CACNA2D1: variants seen among roughly 807,000 people sequenced by gnomAD.
CACNA2D1 encodes the protein voltage-dependent calcium channel subunit alpha-2/delta-1.
In CACNA2D1, 53 loss-of-function variants were observed where a neutral mutation model predicts 171.5. The ratio of observed to expected loss-of-function variants is 0.31; its 90% CI spans 0.25 to 0.39. The LOEUF (loss-of-function observed/expected upper bound fraction) is 0.39, where lower values mean the gene tolerates loss of function less well. Among genes scored for constraint, CACNA2D1 ranks in the 10% least tolerant of loss-of-function variants. The probability of loss-of-function intolerance (pLI) is 1.00; values close to 1 mark genes in which losing one functional copy is unlikely to be tolerated. For missense variants in CACNA2D1, 903 were observed against 1,299.8 expected, an observed-to-expected ratio of 0.69 and a Z score of 4.69; for synonymous variants, 442 against 443.1, an observed-to-expected ratio of 1.00 and a Z score of 0.03.
intron 32 of CACNA2D1, 86 bp from the exon 33 acceptor site, chr7:81,964,445 AATAAT>A: frequency 9.4e-7 from 1 of 1,058,508 alleles, no homozygotes; most frequent in Non-Finnish European, 1.4e-6. Flanking sequence ...AGTGAAAAGA[AATAAT>A]ACAAAGAAAC....
At chr7:82,215,689 C>T (rs1801026525) in intron 3 of CACNA2D1, among the ~76,000 whole-genome samples, 1 of 151,888 alleles carries the variant, frequency 6.6e-6, no homozygotes, top group African/African-American at 2.4e-5. Flanking sequence ...TTAATTAATA[C>T]TTCTTTAAAA....
intron 4 of CACNA2D1, among the ~76,000 whole-genome samples, chr7:82,144,261 A>G (rs1218606404): frequency 6.6e-6 from 1 of 152,066 alleles, no homozygotes; most frequent in Non-Finnish European, 1.5e-5. Context: ...CATACTTCCT[A>G]CAATGTTTTC....
intron 19 of CACNA2D1, 94 bp downstream of exon 19, chr7:81,997,085 C>T: frequency 1.3e-6 from 1 of 799,130 alleles, no homozygotes; most frequent in Non-Finnish European, 2.3e-6. Flanking sequence ...AACAGACAAG[C>T]TAACACATTG....
At chr7:82,243,040 T>C (rs1804510657) in intron 3 of CACNA2D1, among the ~76,000 whole-genome samples, 1 of 152,148 alleles carries the variant, frequency 6.6e-6, no homozygotes, top group Admixed American at 6.5e-5. Flanking sequence ...ACAGTTTATG[T>C]TATCAAAACA....
At chr7:82,425,199 G>A (rs951186294) in intron 1 of CACNA2D1, among the ~76,000 whole-genome samples, 36 of 152,112 alleles carry the variant, frequency 2.4e-4, no homozygotes, top group African/African-American at 6.3e-4. Flanking sequence ...AAGGGGTATT[G>A]AGCCCCCTTT....
At chr7:82,013,006 T>G (rs1388478236) in intron 14 of CACNA2D1, among the ~76,000 whole-genome samples, 2 of 152,074 alleles carry the variant, frequency 1.3e-5, no homozygotes, top group East Asian at 3.9e-4. Flanking sequence ...GTAACTTTAT[T>G]TTAGATTGAT....
intron 1 of CACNA2D1, among the ~76,000 whole-genome samples, chr7:82,352,390 C>T (rs750304147): frequency 6.6e-6 from 1 of 152,122 alleles, no homozygotes; most frequent in Non-Finnish European, 1.5e-5. Context: ...CTGTCAAGCA[C>T]AAATATGTAA....
At chr7:82,424,119 G>T (rs1828966226) in intron 1 of CACNA2D1, among the ~76,000 whole-genome samples, 1 of 152,062 alleles carries the variant, frequency 6.6e-6, no homozygotes, top group African/African-American at 2.4e-5. Flanking sequence ...CACTAAATTA[G>T]ACACTTACTC....
chr7:81,953,528 AGGGTACC>A (rs1792846925), intron 38 of CACNA2D1, among the ~76,000 whole-genome samples: 1 of 151,412 alleles, frequency 6.6e-6, no homozygotes, highest in Non-Finnish European at 1.5e-5. Flanking sequence ...GATAAAAAAC[AGGGTACC>A]AGTAACAATT....
At chr7:82,053,206 G>C (rs1584552642) in intron 10 of CACNA2D1, among the ~76,000 whole-genome samples, 1 of 146,412 alleles carries the variant, frequency 6.8e-6, no homozygotes, top group African/African-American at 2.5e-5. Context: ...GAGCCGAGAT[G>C]GCGCCACTGC....
intron 7 of CACNA2D1, among the ~76,000 whole-genome samples, chr7:82,074,667 T>G (rs1047989836): frequency 7.9e-5 from 12 of 152,224 alleles, no homozygotes; most frequent in African/African-American, 2.9e-4. Flanking sequence ...CCTCAGGATA[T>G]CTCAGTTTCT....
Position 81,949,173 on chromosome 7 carries a change from T to C in CACNA2D1, c.*1219A>G, listed in dbSNP as rs751111746. On this transcript the variant is annotated 3_prime_UTR_variant, in exon 39 of 39. Transcript: ENST00000356860. ...CTAGGATGAATCTTCATTGAGAACATATATGTACTTTTCAAAAAATAAATG... is the reference window on the plus strand; with the variant it reads ...CTAGGATGAATCTTCATTGAGAACACATATGTACTTTTCAAAAAATAAATG... 2.0e-5 allele frequency: 3 copies of C among 152,168 alleles called. No individual in the cohort carries two copies. The highest frequency in any genetic ancestry group is 3.9e-4 in the East Asian group (2 of 5,172). The allele number at this position is 152,168 out of a possible 1,614,324, so 9.4% of individuals were successfully genotyped here.
At chr7:82,036,555 CTG>C (rs1477541268) in intron 11 of CACNA2D1, among the ~76,000 whole-genome samples, 2 of 152,186 alleles carry the variant, frequency 1.3e-5, no homozygotes, top group African/African-American at 2.4e-5. Flanking sequence ...GGCCCATCCT[CTG>C]TGCTGTCCCA....
At chr7:82,346,413 T>C (rs1006018748) in intron 2 of CACNA2D1, among the ~76,000 whole-genome samples, 2 of 152,172 alleles carry the variant, frequency 1.3e-5, no homozygotes, top group African/African-American at 4.8e-5. Flanking sequence ...ATTAAATAAC[T>C]TGGCCAGATC....
At chr7:82,062,598 C>CTT (rs34862731) in intron 9 of CACNA2D1, among the ~76,000 whole-genome samples, 1 of 141,756 alleles carries the variant, frequency 7.1e-6, no homozygotes, top group Non-Finnish European at 1.6e-5. Flanking sequence ...GGTACTATGT[C>CTT]TTTTTTTTTT....
chr7:82,179,620 A>G (rs1447478583), intron 3 of CACNA2D1, among the ~76,000 whole-genome samples: 1 of 152,114 alleles, frequency 6.6e-6, no homozygotes, highest in African/African-American at 2.4e-5. Context: ...GCTCCTTTAC[A>G]TATCTAGCAA....
intron 24 of CACNA2D1, among the ~76,000 whole-genome samples, chr7:81,976,320 A>C (rs2130537430): frequency 6.6e-6 from 1 of 152,282 alleles, no homozygotes; most frequent in Middle Eastern, 3.4e-3. Flanking sequence ...TTGAATCTAT[A>C]AATTACTTTG....
chr7:82,142,870 A>C (rs1792558796), intron 4 of CACNA2D1, among the ~76,000 whole-genome samples: 1 of 152,202 alleles, frequency 6.6e-6, no homozygotes, highest in African/African-American at 2.4e-5. Flanking sequence ...TGTTTAGCTA[A>C]AATCATTTAT....
intron 3 of CACNA2D1, among the ~76,000 whole-genome samples, chr7:82,182,969 G>A (rs919082436): frequency 3.3e-5 from 5 of 151,362 alleles, no homozygotes; most frequent in Admixed American, 6.6e-5. Context: ...CCTGGGAGGC[G>A]GAAGATGCAG....
Sources: allele counts gnomAD v4.1 joint callset (sites outside exome capture counted in the v4.1 genomes callset), GRCh38; gene constraint gnomAD v4.1.1; transcripts MANE v1.5; gene names NCBI Gene and HGNC (gene_info 2026-07-23, HGNC 2026-07-21).